Variants in WDR72 observed in about 807,000 individuals in gnomAD.
The protein encoded by WDR72 is WD repeat domain 72.
WDR72 carries 120 observed loss-of-function variants against 124.2 expected under a neutral mutation model. That is an observed-to-expected ratio of 0.97 (90% confidence interval 0.83 to 1.12). WDR72 has a LOEUF of 1.12. Among genes scored for constraint, WDR72 ranks in the 50% most tolerant of loss-of-function variants. The pLI, the probability that WDR72 is intolerant of heterozygous loss-of-function variation, is 0.00. For missense variants in WDR72, 1,387 were observed against 1,278.8 expected (o/e 1.08, Z -1.29); for synonymous variants, 452 against 441.7 (o/e 1.02, Z -0.29).
At chr15:53,725,779 G>A (rs554062020) in intron 2 of WDR72, among the ~76,000 whole-genome samples, 1 of 152,170 alleles carries the variant, frequency 6.6e-6, no homozygotes, top group Non-Finnish European at 1.5e-5. Flanking sequence ...ATTAGTGGTT[G>A]TCAGGGGTTT....
rs1891424216 is a variant in WDR72 at position 53,515,721 on chromosome 15, A to G, written c.*1978T>C. 1 of 152,180 alleles carries G rather than the reference A, an allele frequency of 6.6e-6. No homozygotes were observed. Among genetic ancestry groups the G allele is most frequent in the South Asian group, 2.1e-4 (1 of 4,828 alleles). 9.4% of individuals were successfully genotyped at this position (152,180 alleles called of 1,614,324 possible). A position where few individuals can be genotyped will look rare whatever the true frequency, so the allele number is the denominator to read the frequency against. ...CCAGTTCTAATTTCCCATAGCTAGT[A>G]ACATCAGAAAATATTTATCAGAGAT... is the stretch of plus-strand genomic sequence containing the variant. On this transcript the variant is annotated 3_prime_UTR_variant, in exon 20 of 20. Coordinates refer to ENST00000360509, the MANE Select transcript of WDR72 (RefSeq NM_182758.4).
At chr15:53,745,293 A>G (rs931594125) in intron 1 of WDR72, among the ~76,000 whole-genome samples, 10 of 152,176 alleles carry the variant, frequency 6.6e-5, no homozygotes, top group African/African-American at 2.4e-4. Flanking sequence ...AATCACTATA[A>G]TTTTGTACTG....
chr15:53,655,706 A>AG (rs1371774016), intron 14 of WDR72, among the ~76,000 whole-genome samples: 1 of 141,162 alleles, frequency 7.1e-6, no homozygotes, highest in Non-Finnish European at 1.5e-5. Context: ...GCATTTTGTA[A>AG]GTTTTTTTTT....
At chr15:53,669,225 G>A (rs1031598129) in intron 13 of WDR72, among the ~76,000 whole-genome samples, 7 of 152,024 alleles carry the variant, frequency 4.6e-5, no homozygotes, top group African/African-American at 9.7e-5. Context: ...TTGTAACAGC[G>A]CCTCCAGCAA....
chr15:53,663,230 CAAAT>C (rs1431879212), intron 14 of WDR72, among the ~76,000 whole-genome samples: 1 of 151,808 alleles, frequency 6.6e-6, no homozygotes, highest in African/African-American at 2.4e-5. Flanking sequence ...AGGAGAAGCA[CAAAT>C]AAATATTGTT....
chr15:53,753,440 A>G (rs891732746), intron 1 of WDR72, among the ~76,000 whole-genome samples: 1 of 152,250 alleles, frequency 6.6e-6, no homozygotes, highest in Non-Finnish European at 1.5e-5. Flanking sequence ...AAGCTAGGCC[A>G]AAACAGACTT....
Position 53,712,867 on chromosome 15 carries a change from C to A in WDR72, c.616G>T (p.Glu206Ter). The change falls in exon 7 of 20, where the codon GAA becomes TAA. Residue 206 changes from glutamate (E) to a stop codon, truncating the protein, a stop_gained. Coordinates refer to ENST00000360509, the MANE Select transcript of WDR72 (RefSeq NM_182758.4). LOFTEE classifies it high-confidence loss of function. ...TTCAAGGACTCAAGAAACTTGGATT[C>A]TTTTTCATAGACATCTTGCTTTTCC... ...IQEKQDVYEKESKFLESLNCQ... is the reference protein window; with the variant it reads ...IQEKQDVYEK 6.2e-7 allele frequency: 1 copy of A among 1,613,702 alleles called. No homozygotes were observed. Among genetic ancestry groups the A allele is most frequent in the Non-Finnish European group, 8.5e-7 (1 of 1,179,822 alleles).
At chr15:53,535,597 G>A (rs1892718855) in intron 18 of WDR72, among the ~76,000 whole-genome samples, 2 of 152,176 alleles carry the variant, frequency 1.3e-5, no homozygotes. Flanking sequence ...GGAGGAACCA[G>A]TTATTTCCAG....
rs1178788782 is a variant in WDR72, at chr15:53,514,716, T to C, written c.*2983A>G. On this transcript the variant is annotated 3_prime_UTR_variant, in exon 20 of 20. Coordinates refer to ENST00000360509, the MANE Select transcript of WDR72 (RefSeq NM_182758.4). ...ACTTTTTAACTGTGTGTTTCTAACA[T>C]TATACATTTTTCCTTATATTTGAAG... 6.6e-6 allele frequency: 1 copy of C among 152,118 alleles called. No homozygotes were observed. The highest frequency in any genetic ancestry group is 1.5e-5 in the Non-Finnish European group (1 of 67,960). 9.4% of individuals were successfully genotyped at this position (152,118 alleles called of 1,614,324 possible). A position where few individuals can be genotyped will look rare whatever the true frequency, so the allele number is the denominator to read the frequency against.
At chr15:53,519,499 A>G (rs1176814471) in intron 19 of WDR72, among the ~76,000 whole-genome samples, 1 of 152,092 alleles carries the variant, frequency 6.6e-6, no homozygotes, top group Non-Finnish European at 1.5e-5. Context: ...GTGAAGGAGC[A>G]AGTAGACTTC....
At chr15:53,644,360 A>G (rs571330755) in intron 14 of WDR72, among the ~76,000 whole-genome samples, 2 of 152,282 alleles carry the variant, frequency 1.3e-5, no homozygotes, top group African/African-American at 4.8e-5. Flanking sequence ...GAGCTCGTTC[A>G]TATTTCCCCA....
intron 13 of WDR72, among the ~76,000 whole-genome samples, chr15:53,678,206 T>C (rs963286050): frequency 6.6e-6 from 1 of 152,224 alleles, no homozygotes; most frequent in African/African-American, 2.4e-5. Flanking sequence ...TCCCAATCCA[T>C]CTGCCCTTAA....
intron 9 of WDR72, among the ~76,000 whole-genome samples, chr15:53,706,350 G>GTATGTA (rs2017363538): frequency 3.9e-5 from 1 of 25,762 alleles, no homozygotes; most frequent in Non-Finnish European, 7.5e-5. Context: ...GTGTGTGTGT[G>GTATGTA]TATATATATA....
At chr15:53,561,391 T>TA (rs1214580540) in intron 18 of WDR72, among the ~76,000 whole-genome samples, 4 of 151,614 alleles carry the variant, frequency 2.6e-5, no homozygotes, top group Non-Finnish European at 4.4e-5. Context: ...TCAAAGTAAT[T>TA]AAAAAAATCA....
intron 14 of WDR72, among the ~76,000 whole-genome samples, chr15:53,645,594 T>C (rs1387664368): frequency 6.6e-6 from 1 of 152,174 alleles, no homozygotes; most frequent in African/African-American, 2.4e-5. Flanking sequence ...AATGATGTAC[T>C]AAGAAAGATA....
chr15:53,666,063 G>T (rs568112882), intron 13 of WDR72, among the ~76,000 whole-genome samples: 2 of 152,264 alleles, frequency 1.3e-5, no homozygotes, highest in South Asian at 4.1e-4. Context: ...TTATACAGTT[G>T]CAAGTGATCA....
intron 18 of WDR72, among the ~76,000 whole-genome samples, chr15:53,594,465 G>A (rs1476153721): frequency 6.6e-6 from 1 of 151,970 alleles, no homozygotes; most frequent in Non-Finnish European, 1.5e-5. Flanking sequence ...TATGAAATTT[G>A]AGGAATTACT....
intron 1 of WDR72, among the ~76,000 whole-genome samples, chr15:53,741,203 T>C (rs2018499713): frequency 6.6e-6 from 1 of 152,232 alleles, no homozygotes; most frequent in Admixed American, 6.5e-5. Context: ...TTCAAATATT[T>C]ACAAATGTTA....
chr15:53,646,814 A>G (rs1481267637), intron 14 of WDR72, among the ~76,000 whole-genome samples: 2 of 152,186 alleles, frequency 1.3e-5, no homozygotes, highest in Non-Finnish European at 2.9e-5. Context: ...GTTAAAAAAA[A>G]ATGGCAAGGA....
Sources: allele counts gnomAD v4.1 joint callset (sites outside exome capture counted in the v4.1 genomes callset), GRCh38; gene constraint gnomAD v4.1.1; transcripts MANE v1.5; gene names NCBI Gene and HGNC (gene_info 2026-07-23, HGNC 2026-07-21).